The following COL5A1 variants were observed in gnomAD, a reference collection of about 807,000 sequenced individuals.
The protein encoded by COL5A1 is collagen type V alpha 1 chain.
Under a neutral mutation model 263.7 loss-of-function variants are expected in COL5A1, and 16 were observed. The observed-to-expected ratio is 0.06, with a 90% CI of 0.04 to 0.09. COL5A1 has a LOEUF of 0.09. Among genes scored for constraint, COL5A1 ranks in the 10% least tolerant of loss-of-function variants. The pLI, the probability that COL5A1 is intolerant of heterozygous loss-of-function variation, is 1.00. For missense variants in COL5A1, 2,036 were observed against 2,540.5 expected, an observed-to-expected ratio of 0.80 and a Z score of 4.27; for synonymous variants, 1,012 against 1,004.5, an observed-to-expected ratio of 1.01 and a Z score of -0.14.
Position 134,755,215 on chromosome 9 carries a change from C to T in COL5A1, c.1827+889C>T, listed in dbSNP as rs1835925541. ...GGAGGATTAGCAGCTCTGGAATCGA[C>T]TCTTGGTAGACAATTGGGCCATTTA... On this transcript the variant is annotated intron_variant, in intron 16 of 65. Coordinates refer to ENST00000371817, the MANE Select transcript of COL5A1 (RefSeq NM_000093.5). This position sits in a 1 kb window ranked among gnomAD's most constrained non-coding sequence, Gnocchi z 4.1. Among the ~76,000 whole-genome samples the T allele has an allele frequency of 6.6e-6, 1 of 152,194 alleles. No homozygotes were observed. The highest frequency in any genetic ancestry group is 6.5e-5 in the Admixed American group (1 of 15,274).
chr9:134,760,427 C>G (rs1017061251), intron 18 of COL5A1, among the ~76,000 whole-genome samples: 1 of 108,386 alleles, frequency 9.2e-6, no homozygotes, highest in African/African-American at 3.9e-5. Context: ...TGCACACACA[C>G]CACACATGCA....
At chr9:134,750,038 G>A (rs185141085) in intron 11 of COL5A1, among the ~76,000 whole-genome samples, 209 of 152,270 alleles carry the variant, frequency 1.4e-3, no homozygotes, top group African/African-American at 4.5e-3. Context: ...GTCCATCCAC[G>A]CAAGTGGCTG....
Position 134,699,977 on chromosome 9 carries a change from C to T in COL5A1, c.346C>T (p.Leu116=), listed in dbSNP as rs1357056969. The T allele has an allele frequency of 1.1e-5, 18 of 1,613,812 alleles. No homozygotes were observed. Among genetic ancestry groups the T allele is most frequent in the South Asian group, 3.3e-5 (3 of 91,088 alleles). The change falls in exon 3 of 66, where the codon CTG becomes TTG. Residue 116 remains leucine (L), a synonymous_variant. Coordinates refer to ENST00000371817, the MANE Select transcript of COL5A1 (RefSeq NM_000093.5). ...AGCCAAGAAAGGCAGCCAGGCCTTC[C>T]TGGTCTCCATCTACAACGAGCAGGG... ...VKAKKGSQAF[L]VSIYNEQGIQ...
Position 134,815,979 on chromosome 9 carries a change from C to T in COL5A1, c.4113C>T (p.Pro1371=), listed in dbSNP as rs143794669. ...PPGDKGDDGE[P]GQTGSPGPTG... ...GTGACAAAGGAGATGATGGTGAACC[C>T]GGGCAGACGGTGAGTCCACAATCTG... The change falls in exon 52 of 66, where the codon CCC becomes CCT. Residue 1371 remains proline (P), a synonymous_variant. Coordinates refer to ENST00000371817, the MANE Select transcript of COL5A1 (RefSeq NM_000093.5). 3.2e-5 allele frequency: 52 copies of T among 1,613,920 alleles called. No homozygotes were observed. The African/African-American group carries it at 3.9e-4, about 12-fold the overall frequency.
At chr9:134,811,436 C>G (rs1241331469) in intron 45 of COL5A1, 44 bp downstream of exon 45, 1 of 1,613,482 alleles carries the variant, frequency 6.2e-7, no homozygotes, top group South Asian at 1.1e-5. Context: ...CCCACGCCCC[C>G]CCAGAGCTGC....
At chr9:134,808,814 G>C in intron 42 of COL5A1, 1 of 337,826 alleles carries the variant, frequency 3.0e-6, no homozygotes, top group Non-Finnish European at 5.7e-6. Context: ...GGCTATCCTG[G>C]TGACTGGGCT....
intron 36 of COL5A1, among the ~76,000 whole-genome samples, chr9:134,797,153 G>T (rs1339667776): frequency 1.3e-5 from 2 of 152,176 alleles, no homozygotes; most frequent in African/African-American, 2.4e-5. Flanking sequence ...AGGGCTGCAC[G>T]CTGGGGTCCT....
chr9:134,782,797 TGCC>T, intron 29 of COL5A1, 77 bp downstream of exon 29: 1 of 1,330,038 alleles, frequency 7.5e-7, no homozygotes, highest in Non-Finnish European at 1.1e-6. Flanking sequence ...TGGGGATGTT[TGCC>T]GCCACAGGGC....
chr9:134,658,297 C>T (rs1185787955), intron 1 of COL5A1, among the ~76,000 whole-genome samples: 2 of 152,140 alleles, frequency 1.3e-5, no homozygotes, highest in African/African-American at 4.8e-5. Context: ...TTCACCATTA[C>T]CCTGAAAATC....
At chr9:134,656,399 G>A (rs1055609624) in intron 1 of COL5A1, among the ~76,000 whole-genome samples, 5 of 152,166 alleles carry the variant, frequency 3.3e-5, no homozygotes, top group African/African-American at 1.2e-4. Flanking sequence ...AGGGACACCG[G>A]GAGCTTCGGA....
intron 42 of COL5A1, among the ~76,000 whole-genome samples, chr9:134,808,595 G>A (rs1564472802): frequency 5.9e-5 from 9 of 151,264 alleles, no homozygotes; most frequent in African/African-American, 4.9e-5. Flanking sequence ...ATATTCACAC[G>A]TGTGCACATG....
intron 58 of COL5A1, among the ~76,000 whole-genome samples, chr9:134,820,845 C>T (rs150931725): frequency 2.1e-4 from 32 of 152,232 alleles, no homozygotes; most frequent in African/African-American, 7.2e-4. Flanking sequence ...ATGAGGGCCA[C>T]GGGTCCTTAT....
At chr9:134,839,187 G>A (rs895058511) in intron 65 of COL5A1, among the ~76,000 whole-genome samples, 4 of 152,240 alleles carry the variant, frequency 2.6e-5, no homozygotes, top group Non-Finnish European at 5.9e-5. Flanking sequence ...AGCGGGCCCA[G>A]TGGAGAGGCA....
chr9:134,745,575 G>A (rs946295671), intron 11 of COL5A1, among the ~76,000 whole-genome samples: 4 of 152,168 alleles, frequency 2.6e-5, no homozygotes, highest in African/African-American at 9.7e-5. Context: ...GAGGCATCAG[G>A]CTTCTTGATA....
At chr9:134,766,722 A>G (rs1311828879) in intron 22 of COL5A1, among the ~76,000 whole-genome samples, 1 of 152,216 alleles carries the variant, frequency 6.6e-6, no homozygotes, top group Non-Finnish European at 1.5e-5. Flanking sequence ...ATTTCTGGTC[A>G]GTTCCTCTCA....
chr9:134,782,824 G>A, intron 29 of COL5A1, 104 bp downstream of exon 29: 1 of 1,139,006 alleles, frequency 8.8e-7, no homozygotes, highest in Non-Finnish European at 1.3e-6. Flanking sequence ...TTCTCAGAAT[G>A]GAGGTAAACT....
chr9:134,719,830 A>G (rs771426285), intron 4 of COL5A1, among the ~76,000 whole-genome samples: 3 of 152,178 alleles, frequency 2.0e-5, no homozygotes, highest in Non-Finnish European at 4.4e-5. Context: ...GGTGACACCT[A>G]TTGCCCTGCT....
At position 134,830,331 on chromosome 9, in the gene COL5A1, A is replaced by T. The variant is rs988965639; in HGVS notation, c.5136+287A>T. On this transcript the variant is annotated intron_variant, in intron 64 of 65. Coordinates refer to ENST00000371817, the MANE Select transcript of COL5A1 (RefSeq NM_000093.5). Reference sequence around the variant, plus strand: ...GACAGCAAGACTCAGCTAGGTGTGGAGTCCTCTCCCCAGCCCCCGCCACCC... The same window carrying T: ...GACAGCAAGACTCAGCTAGGTGTGGTGTCCTCTCCCCAGCCCCCGCCACCC... The T allele has an allele frequency of 2.6e-5, 19 of 734,374 alleles. No individual in the cohort carries two copies. In the South Asian group the frequency reaches 3.4e-4, roughly 13 times the overall value. 45.5% of individuals were successfully genotyped at this position (734,374 alleles called of 1,614,324 possible).
intron 50 of COL5A1, 42 bp from the exon 51 acceptor site, chr9:134,815,534 G>C: frequency 6.2e-7 from 1 of 1,602,436 alleles, no homozygotes; most frequent in Middle Eastern, 1.7e-4. Context: ...TCTCAGTCAG[G>C]TTGCTGATGG....
Sources: gnomAD v4.1 joint callset for allele counts (sites outside exome capture counted in the v4.1 genomes callset) on GRCh38, gnomAD v4.1.1 for gene constraint, Gnocchi (gnomAD v3.1) non-coding constraint, MANE v1.5 for transcripts, NCBI Gene and HGNC (gene_info 2026-07-23, HGNC 2026-07-21) for gene names.